Variants in DPP6 observed in about 807,000 individuals in gnomAD.
DPP6 encodes dipeptidyl peptidase like 6, also known as A-type potassium channel modulatory protein DPP6.
DPP6 carries 69 observed loss-of-function variants against 122.6 expected under a neutral mutation model. The ratio of observed to expected loss-of-function variants is 0.56; its 90% CI spans 0.46 to 0.69. DPP6 has a LOEUF of 0.69. Ranked by LOEUF, DPP6 falls within the 30% of genes least tolerant of loss-of-function variation. The pLI is 0.00. For synonymous variants in DPP6, 418 were observed against 433.1 expected (o/e 0.97, Z 0.43); for missense variants, 928 against 1,116.9 (o/e 0.83, Z 2.41).
chr7:154,844,602 G>A (rs1801804997), intron 16 of DPP6, among the ~76,000 whole-genome samples: 1 of 152,162 alleles, frequency 6.6e-6, no homozygotes, highest in African/African-American at 2.4e-5. Flanking sequence ...GAAACCTTGA[G>A]GCCTGTGGTG....
intron 1 of DPP6, among the ~76,000 whole-genome samples, chr7:154,287,343 A>T (rs1309962890): frequency 6.6e-6 from 1 of 152,208 alleles, no homozygotes; most frequent in African/African-American, 2.4e-5. Context: ...TTCTAAGTGG[A>T]TGACCCTGCC....
chr7:153,935,355 C>T (rs557267649), intron 1 of DPP6, among the ~76,000 whole-genome samples: 107 of 152,206 alleles, frequency 7.0e-4, no homozygotes, highest in Non-Finnish European at 1.2e-3. Context: ...TAGTCATGTG[C>T]CCTCAGCTGG....
intron 1 of DPP6, among the ~76,000 whole-genome samples, chr7:154,082,813 G>A (rs1051964485): frequency 2.6e-5 from 4 of 151,200 alleles, no homozygotes; most frequent in African/African-American, 9.7e-5. Flanking sequence ...GCCCTGTGAA[G>A]GATGGTGCTG....
At chr7:154,353,096 T>G (rs1221590160) in intron 1 of DPP6, among the ~76,000 whole-genome samples, 3 of 152,210 alleles carry the variant, frequency 2.0e-5, no homozygotes, top group African/African-American at 7.2e-5. Context: ...GCTTCAGACC[T>G]GCAGAATCCT....
At position 154,419,888 on chromosome 7, in the gene DPP6, C is replaced by T. The variant is rs951958570; in HGVS notation, c.244-26326C>T. Among the ~76,000 whole-genome samples, 4 of 152,188 alleles carry T rather than the reference C, an allele frequency of 2.6e-5. No homozygotes were observed. In the South Asian group the frequency reaches 6.2e-4, roughly 24 times the overall value. On this transcript the variant is annotated intron_variant, in intron 1 of 25. Transcript: ENST00000377770. ...TCAGGATGTCAAAGAGACACCAGCA[C>T]CCCCATGCCCATCTGCAGCACCATT... is the stretch of plus-strand genomic sequence containing the variant.
intron 8 of DPP6, among the ~76,000 whole-genome samples, chr7:154,759,956 T>C (rs1017555845): frequency 3.3e-5 from 5 of 152,190 alleles, no homozygotes; most frequent in African/African-American, 1.2e-4. Flanking sequence ...ACCCCATCTC[T>C]ACTAAAAATA....
At chr7:153,765,627 T>C in the DPP6 span, among the ~76,000 whole-genome samples, 1 of 151,590 alleles carries the variant, frequency 6.6e-6, no homozygotes, top group Non-Finnish European at 1.5e-5. Flanking sequence ...ATTCAGGGGG[T>C]ATATCAGGAG....
At chr7:153,959,005 T>C (rs1795211170) in intron 1 of DPP6, among the ~76,000 whole-genome samples, 5 of 152,156 alleles carry the variant, frequency 3.3e-5, no homozygotes. Flanking sequence ...TCACTTCACC[T>C]GCTGAGATGA....
chr7:154,694,109 G>T (rs924226069), intron 7 of DPP6, among the ~76,000 whole-genome samples: 2 of 152,304 alleles, frequency 1.3e-5, no homozygotes, highest in East Asian at 3.9e-4. Flanking sequence ...CTCATAGACT[G>T]CCTTCTTCTG....
At chr7:153,921,693 G>A (rs1009791963) in intron 1 of DPP6, among the ~76,000 whole-genome samples, 2 of 152,232 alleles carry the variant, frequency 1.3e-5, no homozygotes, top group African/African-American at 4.8e-5. Context: ...GAGAATTAAA[G>A]TGTGCTACTT....
chr7:154,121,325 CTCT>C (rs970069025), intron 1 of DPP6, among the ~76,000 whole-genome samples: 1 of 152,038 alleles, frequency 6.6e-6, no homozygotes, highest in Admixed American at 6.6e-5. Flanking sequence ...GTTTAGCTTG[CTCT>C]TCTTTTGCTA....
chr7:154,772,860 C>T lies in DPP6; in HGVS notation c.1054C>T (p.Pro352Ser). 6.2e-7 allele frequency: 1 copy of T among 1,612,632 alleles called. No individual in the cohort carries two copies. The highest frequency in any genetic ancestry group is 8.5e-7 in the Non-Finnish European group (1 of 1,179,540). The change falls in exon 10 of 26, where the codon CCC becomes TCC. Residue 352 changes from proline (P) to serine (S), a missense_variant. Pro to Ser is a moderately conservative substitution (Grantham distance 74). Coordinates refer to ENST00000377770, the MANE Select transcript of DPP6 (RefSeq NM_130797.4). ...TAATCCCCAGGCTGGAAGTGAGAAC[C>T]CCAGCATTTCCCTACACGTTATTGG... ...YHYPKAGSEN[P>S]SISLHVIGLN...
At position 154,820,706 on chromosome 7, in the gene DPP6, G is replaced by T. The variant is rs543838469; in HGVS notation, c.1666+13594G>T. Among the ~76,000 whole-genome samples, 102 of 152,276 alleles carry T rather than the reference G, an allele frequency of 6.7e-4. 1 individual carries two copies. The highest frequency in any genetic ancestry group is 2.3e-3 in the African/African-American group (97 of 41,558). On this transcript the variant is annotated intron_variant, in intron 16 of 25. Coordinates refer to ENST00000377770, the MANE Select transcript of DPP6 (RefSeq NM_130797.4). Reference sequence around the variant, plus strand: ...GAGAGCTATGAAAAATAGATCCAACGAATGTAATCTCTTGGTAGAGGCTTT... The same window carrying T: ...GAGAGCTATGAAAAATAGATCCAACTAATGTAATCTCTTGGTAGAGGCTTT...
In DPP6 at chr7:154,639,741, C is replaced by T. The variant is rs563339839; in HGVS notation, c.680+1868C>T. Among the ~76,000 whole-genome samples, 21 of 152,276 alleles carry T rather than the reference C, an allele frequency of 1.4e-4. No homozygotes were observed. In the East Asian group the frequency reaches 3.3e-3, roughly 24 times the overall value. On this transcript the variant is annotated intron_variant, in intron 6 of 25. Coordinates refer to ENST00000377770, the MANE Select transcript of DPP6 (RefSeq NM_130797.4). ...ATCTGCCTTATAGATGACCCCAACACGGAGGGAGCTGCTTCTGGTGTCTTT... is the reference window on the plus strand; with the variant it reads ...ATCTGCCTTATAGATGACCCCAACATGGAGGGAGCTGCTTCTGGTGTCTTT...
intron 10 of DPP6, among the ~76,000 whole-genome samples, chr7:154,786,317 G>A (rs573701287): frequency 1.3e-5 from 2 of 152,090 alleles, no homozygotes; most frequent in Non-Finnish European, 2.9e-5. Flanking sequence ...CCAGCATTTT[G>A]AGATGCTAAA....
At chr7:154,001,821 G>A (rs559260469) in intron 1 of DPP6, among the ~76,000 whole-genome samples, 1 of 152,182 alleles carries the variant, frequency 6.6e-6, no homozygotes, top group Non-Finnish European at 1.5e-5. Context: ...GGCAATCCAC[G>A]TGATTTCCTT....
rs1352507984 is a variant in DPP6, at chr7:154,062,824, C to T, written c.243+9761C>T. On this transcript the variant is annotated intron_variant, in intron 1 of 25. Coordinates refer to ENST00000377770, the MANE Select transcript of DPP6 (RefSeq NM_130797.4). ...CCCCATCGCAGAGGGGGGAGGCACC[C>T]CCCGCGAGGCGGGGACTGCGAGCCA... 3.1e-5 allele frequency among the ~76,000 whole-genome samples: 4 copies of T among 129,914 alleles called. No homozygotes were observed. The East Asian group carries it at 7.0e-4, about 23-fold the overall frequency. The allele number at this position is 129,914 out of a possible 152,430, so 85.2% of individuals were successfully genotyped here.
chr7:154,415,196 G>A lies in DPP6; in HGVS notation c.244-31018G>A, dbSNP rs1469220306. Among the ~76,000 whole-genome samples, 4 of 152,106 alleles carry A rather than the reference G, an allele frequency of 2.6e-5. No homozygotes were observed. In the East Asian group the frequency reaches 7.7e-4, roughly 29 times the overall value. Reference sequence around the variant, plus strand: ...ACATACTATCTAGACCAAGCAGGTGGTACATGTTATATTCACATGTAGAAG... The same window carrying A: ...ACATACTATCTAGACCAAGCAGGTGATACATGTTATATTCACATGTAGAAG... On this transcript the variant is annotated intron_variant, in intron 1 of 25. Transcript: ENST00000377770.
chr7:154,328,336 G>A lies in DPP6; in HGVS notation c.244-117878G>A, dbSNP rs78298743. ...TCTTGAAGAACTGAAATCTGGAATC[G>A]ACATGAAGCTACATCCCGAAGCAGG... On this transcript the variant is annotated intron_variant, in intron 1 of 25. Transcript: ENST00000377770. Among the ~76,000 whole-genome samples the A allele has an allele frequency of 6.9e-3, 1,052 of 152,262 alleles. 26 individuals carry two copies. The highest frequency in any genetic ancestry group is 0.057 in the East Asian group (297 of 5,172).
Sources: gnomAD v4.1 joint callset for allele counts (sites outside exome capture counted in the v4.1 genomes callset) on GRCh38, gnomAD v4.1.1 for gene constraint, MANE v1.5 for transcripts, NCBI Gene and HGNC (gene_info 2026-07-23, HGNC 2026-07-21) for gene names.